The following LARP6 variants were observed in gnomAD, a reference collection of about 807,000 sequenced individuals.
The protein encoded by LARP6 is la-related protein 6.
LARP6 carries 18 observed loss-of-function variants against 32.8 expected under a neutral mutation model. The ratio of observed to expected loss-of-function variants is 0.55; its 90% CI spans 0.38 to 0.81. LARP6 has a LOEUF of 0.81. Among genes scored for constraint, LARP6 ranks in the 40% least tolerant of loss-of-function variants. The pLI, the probability that LARP6 is intolerant of heterozygous loss-of-function variation, is 0.00. For missense variants in LARP6, 598 were observed against 663.1 expected (o/e 0.90, Z 1.08); for synonymous variants, 289 against 267.2 (o/e 1.08, Z -0.80).
intron 1 of LARP6, among the ~76,000 whole-genome samples, chr15:70,843,412 C>G (rs2032291357): frequency 6.6e-6 from 1 of 152,186 alleles, no homozygotes; most frequent in Non-Finnish European, 1.5e-5. Context: ...CACCTTTCCT[C>G]CCTAGAGGTA....
chr15:70,830,706 G>A lies in LARP6; in HGVS notation c.*1346C>T, dbSNP rs369031493. 52 of 152,306 alleles carry A rather than the reference G, an allele frequency of 3.4e-4. No individual in the cohort carries two copies. The highest frequency in any genetic ancestry group is 1.2e-3 in the African/African-American group (51 of 41,570). The allele number at this position is 152,306 out of a possible 1,614,324, so 9.4% of individuals were successfully genotyped here. Reference sequence around the variant, plus strand: ...TAATGCATGGAAAGCTCTTAGCATAGTCCCTGGCACCTAATCACTGTTCAA... The same window carrying A: ...TAATGCATGGAAAGCTCTTAGCATAATCCCTGGCACCTAATCACTGTTCAA... On this transcript the variant is annotated 3_prime_UTR_variant, in exon 3 of 3. Coordinates refer to ENST00000299213, the MANE Select transcript of LARP6 (RefSeq NM_018357.4).
chr15:70,851,228 G>A (rs1055120299), intron 1 of LARP6, among the ~76,000 whole-genome samples: 7 of 152,136 alleles, frequency 4.6e-5, no homozygotes, highest in African/African-American at 9.7e-5. Flanking sequence ...CAAATGGTTC[G>A]GGGAAAACAC....
intron 1 of LARP6, chr15:70,851,413 G>C (rs2032445929): frequency 8.4e-7 from 1 of 1,186,986 alleles, no homozygotes; most frequent in South Asian, 3.1e-5. Flanking sequence ...GATGTGGGGA[G>C]ATGATCAATA....
intron 1 of LARP6, among the ~76,000 whole-genome samples, chr15:70,850,287 A>G (rs762153737): frequency 1.3e-5 from 2 of 152,242 alleles, no homozygotes; most frequent in African/African-American, 2.4e-5. Flanking sequence ...CATTTAAAGA[A>G]CAACTAATAC....
chr15:70,839,377 T>TTACA (rs1468026966), intron 1 of LARP6, among the ~76,000 whole-genome samples: 1 of 150,738 alleles, frequency 6.6e-6, no homozygotes, highest in Non-Finnish European at 1.5e-5. Flanking sequence ...GAGGTGGAGG[T>TTACA]TACAGTGAGC....
intron 1 of LARP6, chr15:70,848,881 T>C (rs2032395612): frequency 6.6e-6 from 1 of 152,240 alleles, no homozygotes; most frequent in African/African-American, 2.4e-5. Context: ...TTTTTATTGT[T>C]CATATTAATA....
rs1324726000 is a variant in LARP6, at chr15:70,849,819, T to G, written c.200+4070A>C. 2.0e-5 allele frequency: 3 copies of G among 152,212 alleles called. No homozygotes were observed. In the South Asian group the frequency reaches 6.2e-4, roughly 31 times the overall value. 9.4% of individuals were successfully genotyped at this position (152,212 alleles called of 1,614,324 possible). A position where few individuals can be genotyped will look rare whatever the true frequency, so the allele number is the denominator to read the frequency against. On this transcript the variant is annotated intron_variant, in intron 1 of 2. Transcript: ENST00000299213. ...CATTTAAATTATTTAGTGTGACTAT[T>G]ATATCAAATTATCTCTTTGAAAACT... is the stretch of plus-strand genomic sequence containing the variant.
chr15:70,853,215 C>G (rs983739899), intron 1 of LARP6: 2 of 85,642 alleles, frequency 2.3e-5, no homozygotes, highest in African/African-American at 1.1e-4. Flanking sequence ...CCCAGGAACA[C>G]CCCCCCCCCG....
At chr15:70,841,164 C>T (rs1308383565) in intron 1 of LARP6, among the ~76,000 whole-genome samples, 3 of 152,130 alleles carry the variant, frequency 2.0e-5, no homozygotes, top group African/African-American at 7.2e-5. Flanking sequence ...CCGCCCACCT[C>T]GGCCTCCCAA....
chr15:70,836,660 A>T (rs900137446), intron 1 of LARP6, among the ~76,000 whole-genome samples, 155 bp from the exon 2 acceptor site: 15 of 152,200 alleles, frequency 9.9e-5, no homozygotes, highest in African/African-American at 3.6e-4. Flanking sequence ...ATGAGGTCTT[A>T]CTGGAGTAGG....
At chr15:70,842,012 C>G (rs987038719) in intron 1 of LARP6, among the ~76,000 whole-genome samples, 1 of 151,904 alleles carries the variant, frequency 6.6e-6, no homozygotes, top group Non-Finnish European at 1.5e-5. Flanking sequence ...GATTCTTCTC[C>G]CCATTTTATG....
chr15:70,836,513 C>G lies in LARP6; in HGVS notation c.201-8G>C. On this transcript the variant is annotated splice_polypyrimidine_tract_variant and splice_region_variant and intron_variant, in intron 1 of 2. Transcript: ENST00000299213. ...CCACTTGCAGTGGTGCCACTGAGAC[C>G]AGAAGGAGACACCGGGTGTTAGGGT... 1.2e-6 allele frequency: 2 copies of G among 1,612,172 alleles called. No individual in the cohort carries two copies. Among genetic ancestry groups the G allele is most frequent in the Non-Finnish European group, 1.7e-6 (2 of 1,178,226 alleles).
At chr15:70,839,201 G>T (rs2032205737) in intron 1 of LARP6, among the ~76,000 whole-genome samples, 1 of 152,164 alleles carries the variant, frequency 6.6e-6, no homozygotes, top group South Asian at 2.1e-4. Context: ...CACTTTGGGA[G>T]GCTGAGGTGG....
At chr15:70,838,501 T>G (rs957107497) in intron 1 of LARP6, among the ~76,000 whole-genome samples, 1 of 152,150 alleles carries the variant, frequency 6.6e-6, no homozygotes, top group African/African-American at 2.4e-5. Flanking sequence ...GACCCTGTAA[T>G]GGACTCTGGA....
chr15:70,838,217 G>C (rs564536678), intron 1 of LARP6, among the ~76,000 whole-genome samples: 116 of 152,182 alleles, frequency 7.6e-4, no homozygotes, highest in African/African-American at 2.6e-3. Context: ...TTGTTTATTA[G>C]TTAAGTAAAT....
chr15:70,835,301 T>C (rs1340418625), intron 2 of LARP6, among the ~76,000 whole-genome samples: 2 of 152,248 alleles, frequency 1.3e-5, no homozygotes, highest in African/African-American at 4.8e-5. Context: ...TTCTCTCTTT[T>C]GTCCTACTAT....
At position 70,836,405 on chromosome 15, in the gene LARP6, C is replaced by T; in HGVS notation, c.301G>A (p.Glu101Lys). 1.9e-6 allele frequency: 3 copies of T among 1,614,068 alleles called. No individual in the cohort carries two copies. Among genetic ancestry groups the T allele is most frequent in the Non-Finnish European group, 2.5e-6 (3 of 1,179,954 alleles). Residue 101 changes from glutamate to lysine, a missense_variant, in exon 2 of 3, where the codon GAA (glutamate) becomes AAA (lysine). By Grantham distance (56) the Glu-to-Lys change is moderately conservative (BLOSUM62 1). Coordinates refer to ENST00000299213, the MANE Select transcript of LARP6 (RefSeq NM_018357.4). ...ELIKKLVDQIEFYFSDENLEK... is the reference protein window; with the variant it reads ...ELIKKLVDQIKFYFSDENLEK... ...AGGTTTTCATCAGAAAAGTAGAATTCGATCTGATCCACCAGTTTCTTGATC... is the reference window on the plus strand; with the variant it reads ...AGGTTTTCATCAGAAAAGTAGAATTTGATCTGATCCACCAGTTTCTTGATC...
chr15:70,852,324 T>A (rs962952276), intron 1 of LARP6: 5 of 455,122 alleles, frequency 1.1e-5, no homozygotes, highest in African/African-American at 2.0e-5. Context: ...CCACGGGAGC[T>A]GGGCAGTTCT....
chr15:70,844,239 G>T (rs1022563775), intron 1 of LARP6, among the ~76,000 whole-genome samples: 8 of 152,146 alleles, frequency 5.3e-5, no homozygotes, highest in African/African-American at 9.7e-5. Context: ...TTACAGGTGT[G>T]AGCCACCATG....
Sources: allele counts gnomAD v4.1 joint callset (sites outside exome capture counted in the v4.1 genomes callset), GRCh38; gene constraint gnomAD v4.1.1; transcripts MANE v1.5; gene names NCBI Gene and HGNC (gene_info 2026-07-23, HGNC 2026-07-21).